CADM2: variants seen among roughly 807,000 people sequenced by gnomAD.
The protein encoded by CADM2 is cell adhesion molecule 2.
CADM2 carries 12 observed loss-of-function variants against 49.8 expected under a neutral mutation model. That is an observed-to-expected ratio of 0.24 (90% CI 0.15 to 0.39). CADM2 has a LOEUF of 0.39. Among genes scored for constraint, CADM2 ranks in the 10% least tolerant of loss-of-function variants. The probability of loss-of-function intolerance (pLI) is 1.00; values close to 1 mark genes in which losing one functional copy is unlikely to be tolerated. For missense variants in CADM2, 378 were observed against 492.3 expected (o/e 0.77, Z 2.20); for synonymous variants, 214 against 175.4 (o/e 1.22, Z -1.74).
rs71108295 is a variant in CADM2, at chr3:85,507,182, A to ATTT, written c.62-219323_62-219321dup. 3.8e-4 allele frequency among the ~76,000 whole-genome samples: 48 copies of ATTT among 127,246 alleles called. 1 individual carries two copies. The highest frequency in any genetic ancestry group is 1.8e-3 in the South Asian group (7 of 3,974). The allele number at this position is 127,246 out of a possible 152,430, so 83.5% of individuals were successfully genotyped here. A position where few individuals can be genotyped will look rare whatever the true frequency, so the allele number is the denominator to read the frequency against. On this transcript the variant is annotated intron_variant, in intron 1 of 9. Transcript: ENST00000383699. The stretch of plus-strand genomic sequence containing the variant: ...AGGTTTTTGCCCTGTCACCCAGTGT[A>ATTT]TTTTTTTTTTTTTTTTTTTGAGACA...
At position 86,066,704 on chromosome 3, in the gene CADM2, C is replaced by A. The variant is rs986933000; in HGVS notation, c.1136C>A (p.Ala379Glu). Reference protein sequence around the residue: ...LTNEAKGAEDAPDADTAIINA... With the variant: ...LTNEAKGAEDEPDADTAIINA... ...AATGAAGCTAAAGGAGCTGAAGATGCACCAGATGCTGATACAGCCATTATC... is the reference window on the plus strand; with the variant it reads ...AATGAAGCTAAAGGAGCTGAAGATGAACCAGATGCTGATACAGCCATTATC... Residue 379 changes from alanine to glutamate, a missense_variant, in exon 10 of 10, where the codon GCA becomes GAA. Physicochemically the swap from Ala to Glu is moderately radical, Grantham distance 107. Transcript: ENST00000383699. 1 of 1,613,782 alleles carries A rather than the reference C, an allele frequency of 6.2e-7. No homozygotes were observed. The highest frequency in any genetic ancestry group is 8.5e-7 in the Non-Finnish European group (1 of 1,179,804).
chr3:86,033,452 T>C (rs1292052348), intron 8 of CADM2, among the ~76,000 whole-genome samples: 1 of 151,734 alleles, frequency 6.6e-6, no homozygotes, highest in Non-Finnish European at 1.5e-5. Context: ...CAGGAAGACA[T>C]TTCTTCCCCC....
At chr3:85,663,915 A>C (rs1486417180) in intron 1 of CADM2, among the ~76,000 whole-genome samples, 1 of 151,964 alleles carries the variant, frequency 6.6e-6, no homozygotes, top group Middle Eastern at 3.2e-3. Context: ...ACTGCCATCA[A>C]ACTGTTCTAG....
intron 1 of CADM2, among the ~76,000 whole-genome samples, chr3:85,658,849 G>T (rs1015491006): frequency 6.7e-6 from 1 of 149,750 alleles, no homozygotes; most frequent in Non-Finnish European, 1.5e-5. Context: ...CCAGGAGATG[G>T]AGACCAGCCT....
chr3:85,564,954 A>G (rs2062211353), intron 1 of CADM2, among the ~76,000 whole-genome samples: 1 of 152,132 alleles, frequency 6.6e-6, no homozygotes, highest in Admixed American at 6.6e-5. Context: ...GACACAAGGT[A>G]TATAGCTCGA....
intron 1 of CADM2, among the ~76,000 whole-genome samples, chr3:85,392,623 G>A (rs2034570053): frequency 6.6e-6 from 1 of 151,930 alleles, no homozygotes; most frequent in Admixed American, 6.6e-5. Flanking sequence ...AGCACTCCCA[G>A]CCCCTTCAAG....
chr3:86,021,313 T>G (rs1232620726), intron 8 of CADM2, among the ~76,000 whole-genome samples: 2 of 152,110 alleles, frequency 1.3e-5, no homozygotes, highest in Non-Finnish European at 2.9e-5. Flanking sequence ...ACTGCTTTTT[T>G]GTATCCATCC....
intron 1 of CADM2, among the ~76,000 whole-genome samples, chr3:84,982,716 T>TATATAC (rs1197394998): frequency 1.8e-5 from 2 of 112,782 alleles, no homozygotes; most frequent in African/African-American, 2.8e-5. Flanking sequence ...TATATATATA[T>TATATAC]ATATATATAT....
In CADM2 at chr3:85,424,790, T is replaced by A. The variant is rs190630965; in HGVS notation, c.62-301732T>A. 2.7e-3 allele frequency among the ~76,000 whole-genome samples: 417 copies of A among 152,322 alleles called. 1 individual carries two copies. In the Middle Eastern group the frequency reaches 0.041, roughly 15 times the overall value. ...GTTTAAAAATTATCATTTTTGTGAC[T>A]AAATTGGTACTTACTAGCCTACATA... On this transcript the variant is annotated intron_variant, in intron 1 of 9. Transcript: ENST00000383699.
intron 1 of CADM2, among the ~76,000 whole-genome samples, chr3:85,471,959 A>G (rs940284617): frequency 6.6e-6 from 1 of 151,866 alleles, no homozygotes; most frequent in Non-Finnish European, 1.5e-5. Flanking sequence ...GTCCCAATTC[A>G]AATTAAATGT....
rs1271981221 is a variant in CADM2, at chr3:85,401,906, C to A, written c.62-324616C>A. Among the ~76,000 whole-genome samples, 5 of 152,216 alleles carry A rather than the reference C, an allele frequency of 3.3e-5. No homozygotes were observed. The East Asian group carries it at 9.7e-4, about 29-fold the overall frequency. ...TGCAAGATGTTTGCCTGTGTTTTCT[C>A]TATTTAAGAGATATTTGGATTTTTC... On this transcript the variant is annotated intron_variant, in intron 1 of 9. Transcript: ENST00000383699.
intron 3 of CADM2, among the ~76,000 whole-genome samples, chr3:85,860,305 G>A (rs2075477377): frequency 6.6e-6 from 1 of 152,008 alleles, no homozygotes; most frequent in South Asian, 2.1e-4. Context: ...TGTATTACAT[G>A]GAGGCTACAG....
chr3:85,521,879 T>C (rs1248265983), intron 1 of CADM2, among the ~76,000 whole-genome samples: 1 of 152,114 alleles, frequency 6.6e-6, no homozygotes, highest in Non-Finnish European at 1.5e-5. Flanking sequence ...AAATGAATGC[T>C]GCACTGAACC....
At chr3:86,023,403 A>T (rs9867237) in intron 8 of CADM2, among the ~76,000 whole-genome samples, 25,971 of 151,742 alleles carry the variant, frequency 0.17, 2,250 homozygotes, top group South Asian at 0.24. Flanking sequence ...TTTTTTTGAG[A>T]CAGAGTTTTG....
At chr3:85,376,699 TCATTGTTTGGCTATCC>T in intron 1 of CADM2, among the ~76,000 whole-genome samples, 1 of 152,178 alleles carries the variant, frequency 6.6e-6, no homozygotes, top group Non-Finnish European at 1.5e-5. Context: ...TTAAAGGAGA[TCATTGTTTGGCTATCC>T]CATTTTAAAT....
chr3:86,005,560 A>AT, intron 8 of CADM2, among the ~76,000 whole-genome samples: 1 of 152,170 alleles, frequency 6.6e-6, no homozygotes. Flanking sequence ...TCATATAAAA[A>AT]AAAAAAAAAA....
intron 1 of CADM2, among the ~76,000 whole-genome samples, chr3:85,029,994 C>G (rs187945557): frequency 6.6e-6 from 1 of 152,134 alleles, no homozygotes. Flanking sequence ...TTCAATAAAC[C>G]GCAGATGTCA....
intron 8 of CADM2, among the ~76,000 whole-genome samples, chr3:85,988,756 T>G (rs879939086): frequency 6.6e-6 from 1 of 152,170 alleles, no homozygotes; most frequent in Admixed American, 6.5e-5. Context: ...TATAATAAAT[T>G]AAAATACCTA....
At chr3:86,042,882 T>C (rs1736137728) in intron 8 of CADM2, among the ~76,000 whole-genome samples, 2 of 152,162 alleles carry the variant, frequency 1.3e-5, no homozygotes, top group South Asian at 2.1e-4. Flanking sequence ...TTATCCAGCA[T>C]GATCAAGTGG....
Sources: gnomAD v4.1 joint callset for allele counts (sites outside exome capture counted in the v4.1 genomes callset) on GRCh38, gnomAD v4.1.1 for gene constraint, MANE v1.5 for transcripts, NCBI Gene and HGNC (gene_info 2026-07-23, HGNC 2026-07-21) for gene names.